The following WDR43 variants were observed in gnomAD, a reference collection of about 807,000 sequenced individuals.
WDR43 encodes WD repeat domain 43.
A neutral mutation model predicts 91.4 loss-of-function variants in WDR43; 13 were observed. The ratio of observed to expected loss-of-function variants is 0.14; its 90% CI spans 0.09 to 0.23. The LOEUF (loss-of-function observed/expected upper bound fraction) is 0.23. WDR43 is among the 10% of genes least tolerant of loss of function. WDR43 has a pLI of 1.00. For synonymous variants in WDR43, 331 were observed against 287.9 expected (o/e 1.15, Z -1.51); for missense variants, 780 against 809.4 (o/e 0.96, Z 0.44).
intron 11 of WDR43, among the ~76,000 whole-genome samples, chr2:28,931,761 T>C (rs1350530051): frequency 6.6e-6 from 1 of 152,166 alleles, no homozygotes; most frequent in African/African-American, 2.4e-5. Flanking sequence ...AAACACTTCT[T>C]AAATTGTATA....
intron 6 of WDR43, among the ~76,000 whole-genome samples, chr2:28,919,346 G>C (rs1054446027): frequency 1.3e-5 from 2 of 152,152 alleles, no homozygotes; most frequent in Non-Finnish European, 2.9e-5. Flanking sequence ...TCAGATCAGT[G>C]ATTCCCTATA....
At chr2:28,932,586 A>C (rs1219449220) in intron 11 of WDR43, among the ~76,000 whole-genome samples, 4 of 152,188 alleles carry the variant, frequency 2.6e-5, no homozygotes, top group African/African-American at 9.6e-5. Context: ...TCTTTCTAAA[A>C]ACGTTTTCCC....
chr2:28,936,918 T>A lies in WDR43; in HGVS notation c.1525-4T>A, dbSNP rs191701718. 1.9e-6 allele frequency: 3 copies of A among 1,570,402 alleles called. No homozygotes were observed. In the African/African-American group the frequency reaches 4.0e-5, roughly 21 times the overall value. On this transcript the variant is annotated splice_polypyrimidine_tract_variant and splice_region_variant and intron_variant, in intron 12 of 17. Transcript: ENST00000407426. Reference sequence around the variant, plus strand: ...GTTGTTAATAGTGTTTTTCTCTCCCTTAGCTTACAAAGAGGTTACAAGGAC... The same window carrying A: ...GTTGTTAATAGTGTTTTTCTCTCCCATAGCTTACAAAGAGGTTACAAGGAC...
At position 28,941,576 on chromosome 2, in the gene WDR43, T is replaced by TAACAGCATCA. The variant is rs748168960; in HGVS notation, c.1734+2_1734+3insAACAGCATCA. 6.2e-7 allele frequency: 1 copy of TAACAGCATCA among 1,600,554 alleles called. No individual in the cohort carries two copies. The highest frequency in any genetic ancestry group is 8.5e-7 in the Non-Finnish European group (1 of 1,170,618). ...AAGCTTATTCTTCTAATTACACAAG[T>TAACAGCATCA]GAGTAAATCATATTGTTCTGGGCTA... On this transcript the variant is annotated splice_region_variant and intron_variant, in intron 15 of 17. Transcript: ENST00000407426.
intron 3 of WDR43, among the ~76,000 whole-genome samples, chr2:28,910,678 A>AATACATAT (rs1553326528): frequency 7.0e-6 from 1 of 142,644 alleles, no homozygotes; most frequent in South Asian, 2.2e-4. Flanking sequence ...TGTGTGTGTA[A>AATACATAT]ATATATATAT....
At chr2:28,927,443 A>T (rs1277053874) in intron 9 of WDR43, 126 bp from the exon 10 acceptor site, 1 of 1,104,378 alleles carries the variant, frequency 9.1e-7, no homozygotes, top group Non-Finnish European at 1.3e-6. Flanking sequence ...TCTTAAATTG[A>T]TATCAAGTTA....
At chr2:28,937,469 GA>G (rs1671356480) in intron 13 of WDR43, among the ~76,000 whole-genome samples, 1 of 151,920 alleles carries the variant, frequency 6.6e-6, no homozygotes, top group Non-Finnish European at 1.5e-5. Flanking sequence ...CACAAAAGAG[GA>G]AAGCTAAATA....
chr2:28,923,096 T>A, intron 7 of WDR43, 113 bp downstream of exon 7: 1 of 904,544 alleles, frequency 1.1e-6, no homozygotes, highest in Non-Finnish European at 1.6e-6. Context: ...CAGATTATTT[T>A]GAAAGCATTT....
chr2:28,947,772 T>C lies in WDR43; in HGVS notation c.*993T>C. The stretch of plus-strand genomic sequence containing the variant: ...TCTTGGCAGTGTTAGGGTATCTGTT[T>C]ACCTTTAAAATGATAAGTCTCACTC... On this transcript the variant is annotated 3_prime_UTR_variant, in exon 18 of 18. Coordinates refer to ENST00000407426, the MANE Select transcript of WDR43 (RefSeq NM_015131.3). The C allele has an allele frequency of 6.6e-6, 1 of 151,864 alleles. No homozygotes were observed. Among genetic ancestry groups the C allele is most frequent in the Non-Finnish European group, 1.5e-5 (1 of 67,956 alleles). 9.4% of individuals were successfully genotyped at this position (151,864 alleles called of 1,614,324 possible).
At chr2:28,925,552 TTAA>T (rs1383699431) in intron 8 of WDR43, among the ~76,000 whole-genome samples, 1 of 152,182 alleles carries the variant, frequency 6.6e-6, no homozygotes. Flanking sequence ...GATATGAATC[TTAA>T]TAATAGGATC....
At chr2:28,922,401 G>A (rs559662499) in intron 6 of WDR43, among the ~76,000 whole-genome samples, 8 of 152,152 alleles carry the variant, frequency 5.3e-5, no homozygotes, top group South Asian at 2.1e-4. Context: ...GTAGGTAGGA[G>A]CATGCAGAGA....
At chr2:28,904,874 G>T (rs976379410) in intron 2 of WDR43, 1 of 152,144 alleles carries the variant, frequency 6.6e-6, no homozygotes, top group Non-Finnish European at 1.5e-5. Context: ...GTGTTTCATT[G>T]TATACGTATT....
chr2:28,928,673 T>A (rs776931247), intron 10 of WDR43, among the ~76,000 whole-genome samples: 3 of 152,140 alleles, frequency 2.0e-5, no homozygotes, highest in Non-Finnish European at 4.4e-5. Context: ...TGTTTGTTGT[T>A]GTTTTTGTTT....
chr2:28,906,160 TA>T (rs963038843), intron 2 of WDR43, among the ~76,000 whole-genome samples: 11 of 152,054 alleles, frequency 7.2e-5, no homozygotes, highest in Non-Finnish European at 1.2e-4. Context: ...ATTTGTCAGT[TA>T]AAAAAAAGAA....
intron 10 of WDR43, 198 bp downstream of exon 10, chr2:28,927,898 C>A: frequency 1.3e-6 from 1 of 750,052 alleles, no homozygotes; most frequent in Non-Finnish European, 2.0e-6. Flanking sequence ...GAAGATGGAA[C>A]CTTCAGTAAC....
intron 10 of WDR43, 69 bp from the exon 11 acceptor site, chr2:28,929,510 A>ATTT: frequency 1.6e-6 from 2 of 1,233,226 alleles, no homozygotes; most frequent in South Asian, 4.7e-5. Flanking sequence ...ATTTTATTTT[A>ATTT]TTTTTTTTGT....
intron 1 of WDR43, among the ~76,000 whole-genome samples, chr2:28,900,181 A>G (rs10191057): frequency 0.91 from 137,872 of 152,124 alleles, 62,580 homozygotes; most frequent in Non-Finnish European, 0.94. Flanking sequence ...GAAAGATTTC[A>G]TGGAATCTTT....
intron 6 of WDR43, among the ~76,000 whole-genome samples, chr2:28,921,359 C>T (rs1671022515): frequency 6.6e-6 from 1 of 151,990 alleles, no homozygotes; most frequent in Non-Finnish European, 1.5e-5. Flanking sequence ...ATCTCTTGAC[C>T]TTGTGATCGG....
At position 28,894,708 on chromosome 2, in the gene WDR43, G is replaced by T. The variant is rs757071589; in HGVS notation, c.10G>T (p.Gly4Cys). The T allele has an allele frequency of 3.8e-6, 6 of 1,559,840 alleles. No individual in the cohort carries two copies. Among genetic ancestry groups the T allele is most frequent in the Non-Finnish European group, 5.2e-6 (6 of 1,153,020 alleles). Residue 4 changes from glycine to cysteine, a missense_variant, in exon 1 of 18, where the codon GGC becomes TGC. This residue lies in a region of WDR43 where 175 missense variants were observed against 113.8 expected (regional missense o/e 1.54). Coordinates refer to ENST00000407426, the MANE Select transcript of WDR43 (RefSeq NM_015131.3). The stretch of plus-strand genomic sequence containing the variant: ...CGGGGCCAGAGCAGCAATGGCGGCG[G>T]GCGGCGGCGGTAGCTGCGACCCCCT... MAAGGGGSCDPLAP... is the reference protein window; with the variant it reads MAACGGGSCDPLAP...
Sources: gnomAD v4.1 joint callset for allele counts (sites outside exome capture counted in the v4.1 genomes callset) on GRCh38, gnomAD v4.1.1 for gene constraint, gnomAD v4.1.1 regional missense constraint, MANE v1.5 for transcripts, NCBI Gene and HGNC (gene_info 2026-07-23, HGNC 2026-07-21) for gene names.